The following SLC35F1 variants were observed in gnomAD, a reference collection of about 807,000 sequenced individuals.
SLC35F1 encodes solute carrier family 35 member F1, also known as chromosome 6 open reading frame 169.
Under a neutral mutation model 48.7 loss-of-function variants are expected in SLC35F1, and 14 were observed. That is an observed-to-expected ratio of 0.29 (90% confidence interval 0.19 to 0.45). SLC35F1 has a LOEUF of 0.45. SLC35F1 is among the 20% of genes least tolerant of loss of function. The pLI, the probability that SLC35F1 is intolerant of heterozygous loss-of-function variation, is 1.00. For missense variants in SLC35F1, 404 were observed against 500.0 expected, an observed-to-expected ratio of 0.81 and a Z score of 1.83; for synonymous variants, 190 against 202.2, an observed-to-expected ratio of 0.94 and a Z score of 0.51.
At chr6:118,178,323 C>T (rs1774523072) in intron 2 of SLC35F1, among the ~76,000 whole-genome samples, 1 of 152,068 alleles carries the variant, frequency 6.6e-6, no homozygotes. Flanking sequence ...CAACCGCTTG[C>T]CCATGTGTGG....
Position 117,923,654 on chromosome 6 carries a change from C to CAT in SLC35F1, c.173+15758_173+15759dup, listed in dbSNP as rs1305524832. Among the ~76,000 whole-genome samples the CAT allele has an allele frequency of 6.8e-4, 37 of 54,066 alleles. 8 individuals are homozygous for CAT. The highest frequency in any genetic ancestry group is 1.8e-3 in the African/African-American group (30 of 16,944). 35.5% of individuals were successfully genotyped at this position (54,066 alleles called of 152,430 possible). A position where few individuals can be genotyped will look rare whatever the true frequency, so the allele number is the denominator to read the frequency against. On this transcript the variant is annotated intron_variant, in intron 1 of 7. Coordinates refer to ENST00000360388, the MANE Select transcript of SLC35F1 (RefSeq NM_001029858.4). ...ATATATGTACATATGTACATATGTA[C>CAT]ATATGTATATATACATATATGTACA...
intron 1 of SLC35F1, among the ~76,000 whole-genome samples, chr6:118,136,633 T>A (rs1582686640): frequency 6.6e-6 from 1 of 152,214 alleles, no homozygotes; most frequent in Non-Finnish European, 1.5e-5. Flanking sequence ...CTCAGCAGTC[T>A]TTCTCTATTT....
chr6:117,945,971 A>T (rs1018477360), intron 1 of SLC35F1, among the ~76,000 whole-genome samples: 3 of 152,226 alleles, frequency 2.0e-5, no homozygotes, highest in African/African-American at 7.2e-5. Flanking sequence ...ATTTTCCGTA[A>T]GCTGCAGAGA....
chr6:118,267,124 G>C lies in SLC35F1; in HGVS notation c.607G>C (p.Asp203His). The C allele has an allele frequency of 6.2e-7, 1 of 1,614,038 alleles. No homozygotes were observed. The highest frequency in any genetic ancestry group is 8.5e-7 in the Non-Finnish European group (1 of 1,179,926). ...GGGAATGGGCTGCATGGTGGGAGCA[G>C]ATGTGCTTGTGGGAAGACATCAGGG... The part of the protein sequence containing the change: ...ILGMGCMVGA[D>H]VLVGRHQGAG... The change falls in exon 4 of 8, where the codon GAT (aspartate) becomes CAT (histidine). Residue 203 changes from aspartate (D) to histidine (H), a missense_variant. Around this residue, in one of 2 missense-constraint regions of SLC35F1, gnomAD observed 306 missense variants for 419.1 expected, o/e 0.73. Transcript: ENST00000360388.
chr6:118,156,424 A>G (rs1336938613), intron 2 of SLC35F1, among the ~76,000 whole-genome samples: 1 of 152,072 alleles, frequency 6.6e-6, no homozygotes, highest in Non-Finnish European at 1.5e-5. Context: ...TAAGAAATAC[A>G]TTGGTTTGCA....
At chr6:118,269,537 CAG>C (rs1775823527) in intron 4 of SLC35F1, among the ~76,000 whole-genome samples, 1 of 151,676 alleles carries the variant, frequency 6.6e-6, no homozygotes, top group Non-Finnish European at 1.5e-5. Flanking sequence ...TAAGCCATCA[CAG>C]AGAACATATT....
At chr6:117,965,602 G>C (rs1776551349) in intron 1 of SLC35F1, among the ~76,000 whole-genome samples, 2 of 152,194 alleles carry the variant, frequency 1.3e-5, no homozygotes, top group South Asian at 2.1e-4. Flanking sequence ...ACAGAGCTGA[G>C]GACTCTCATT....
intron 1 of SLC35F1, among the ~76,000 whole-genome samples, chr6:118,128,210 G>A (rs546510175): frequency 3.4e-5 from 5 of 147,326 alleles, no homozygotes; most frequent in Non-Finnish European, 7.5e-5. Flanking sequence ...TACACTGTTG[G>A]TGGGACTGTA....
At chr6:118,012,607 C>G (rs1387823108) in intron 1 of SLC35F1, among the ~76,000 whole-genome samples, 1 of 152,186 alleles carries the variant, frequency 6.6e-6, no homozygotes, top group Non-Finnish European at 1.5e-5. Flanking sequence ...CTTAACCTCC[C>G]TGAAGTGAGA....
At chr6:118,125,589 C>A (rs1773613265) in intron 1 of SLC35F1, among the ~76,000 whole-genome samples, 1 of 152,120 alleles carries the variant, frequency 6.6e-6, no homozygotes, top group South Asian at 2.1e-4. Context: ...AACCTCATAG[C>A]CTTGTTTCTC....
At chr6:117,954,880 T>C (rs1481339163) in intron 1 of SLC35F1, among the ~76,000 whole-genome samples, 1 of 152,250 alleles carries the variant, frequency 6.6e-6, no homozygotes, top group Admixed American at 6.5e-5. Flanking sequence ...ATTTTCTTAC[T>C]CATTGACTGT....
rs185566133 is a variant in SLC35F1 at position 118,069,994 on chromosome 6, G to A, written c.174-84451G>A. On this transcript the variant is annotated intron_variant, in intron 1 of 7. Coordinates refer to ENST00000360388, the MANE Select transcript of SLC35F1 (RefSeq NM_001029858.4). ...TACTAAAAATACAAAAAATTAGCCG[G>A]GCGCGGTGGCGGGCGCCTGTAGTCC... is the stretch of plus-strand genomic sequence containing the variant. Among the ~76,000 whole-genome samples the A allele has an allele frequency of 3.1e-3, 472 of 151,258 alleles. 2 individuals carry two copies. Among genetic ancestry groups the A allele is most frequent in the African/African-American group, 0.011 (446 of 41,196 alleles).
chr6:118,082,545 A>C (rs1772926825), intron 1 of SLC35F1, among the ~76,000 whole-genome samples: 1 of 152,132 alleles, frequency 6.6e-6, no homozygotes, highest in Non-Finnish European at 1.5e-5. Context: ...TTTTAGTTAC[A>C]AGTAACATAA....
chr6:118,123,700 C>T (rs1334834), intron 1 of SLC35F1, among the ~76,000 whole-genome samples: 51,891 of 152,114 alleles, frequency 0.34, 9,689 homozygotes, highest in Non-Finnish European at 0.43. Flanking sequence ...CCACAATGAG[C>T]TCCTATCTCT....
chr6:118,084,405 C>G (rs1308668017), intron 1 of SLC35F1, among the ~76,000 whole-genome samples: 2 of 152,094 alleles, frequency 1.3e-5, no homozygotes, highest in South Asian at 4.1e-4. Context: ...TCCACATGCA[C>G]ACTCAGACAT....
At chr6:118,263,533 G>T (rs1342437375) in intron 3 of SLC35F1, among the ~76,000 whole-genome samples, 1 of 152,132 alleles carries the variant, frequency 6.6e-6, no homozygotes, top group African/African-American at 2.4e-5. Context: ...TGTCCTTGGA[G>T]ATTTTTCAGA....
At chr6:118,281,210 A>G (rs1008269346) in intron 6 of SLC35F1, among the ~76,000 whole-genome samples, 5 of 147,624 alleles carry the variant, frequency 3.4e-5, no homozygotes, top group Non-Finnish European at 7.5e-5. Context: ...CTCTCTATAT[A>G]TATATATATA....
chr6:118,141,011 G>C (rs1169885810), intron 1 of SLC35F1, among the ~76,000 whole-genome samples: 1 of 152,058 alleles, frequency 6.6e-6, no homozygotes. Context: ...AGTAAGCTAA[G>C]GTTAATTTAC....
intron 1 of SLC35F1, among the ~76,000 whole-genome samples, chr6:118,020,756 T>C (rs1346097191): frequency 6.6e-6 from 1 of 151,890 alleles, no homozygotes; most frequent in Non-Finnish European, 1.5e-5. Flanking sequence ...GTTCAGGGAG[T>C]TGAAGAGTTG....
Sources: gnomAD v4.1 joint callset for allele counts (sites outside exome capture counted in the v4.1 genomes callset) on GRCh38, gnomAD v4.1.1 for gene constraint, gnomAD v4.1.1 regional missense constraint, MANE v1.5 for transcripts, NCBI Gene and HGNC (gene_info 2026-07-23, HGNC 2026-07-21) for gene names.